The following PCDHA10 variants were observed in gnomAD, a reference collection of about 807,000 sequenced individuals.
PCDHA10 encodes protocadherin alpha 10, also known as protocadherin alpha-10.
PCDHA10 carries 45 observed loss-of-function variants against 61.2 expected under a neutral mutation model. That is an observed-to-expected ratio of 0.74 (90% CI 0.58 to 0.94). PCDHA10 has a LOEUF of 0.94. Among genes scored for constraint, PCDHA10 ranks in the 40% least tolerant of loss-of-function variants. PCDHA10 has a pLI of 0.00. For synonymous variants in PCDHA10, 602 were observed against 548.8 expected (o/e 1.10, Z -1.35); for missense variants, 1,278 against 1,236.2 (o/e 1.03, Z -0.51).
chr5:140,875,918 A>T, intron 1 of PCDHA10: 1 of 1,613,782 alleles, frequency 6.2e-7, no homozygotes, highest in Non-Finnish European at 8.5e-7. Flanking sequence ...GCGCCTCTGG[A>T]CTCTCATTTT....
At chr5:140,973,665 T>G (rs1309458037) in intron 1 of PCDHA10, among the ~76,000 whole-genome samples, 1 of 152,248 alleles carries the variant, frequency 6.6e-6, no homozygotes, top group African/African-American at 2.4e-5. Context: ...CTATTTATTG[T>G]AGCTTGAATG....
rs2044078032 is a variant in PCDHA10, at chr5:140,856,542, CA to C, written c.495del (p.Leu166CysfsTer17). 1 of 1,598,136 alleles carries C rather than the reference CA, an allele frequency of 6.3e-7. No individual in the cohort carries two copies. Among genetic ancestry groups the C allele is most frequent in the Admixed American group, 1.7e-5 (1 of 59,218 alleles). Reference sequence around the variant, plus strand: ...TCTGATGCGGATGTTGGAGAGAACGCATTGCTTACTTACAAACTCAGTCCAA... The same window carrying C: ...TCTGATGCGGATGTTGGAGAGAACGCTTGCTTACTTACAAACTCAGTCCAA... ...GASDADVGEN[A>X]LLTYKLSPNE... On this transcript the variant is annotated frameshift_variant, in exon 1 of 4. Coordinates refer to ENST00000307360, the MANE Select transcript of PCDHA10 (RefSeq NM_018901.4). LOFTEE classifies it high-confidence loss of function.
chr5:140,863,538 T>C (rs187152479), intron 1 of PCDHA10: 1 of 386,422 alleles, frequency 2.6e-6, no homozygotes, highest in Non-Finnish European at 5.0e-6. Flanking sequence ...ATTTTGGAGA[T>C]GGACTTCAAT....
At chr5:140,949,826 T>G (rs954476311) in intron 1 of PCDHA10, among the ~76,000 whole-genome samples, 2 of 151,922 alleles carry the variant, frequency 1.3e-5, no homozygotes, top group Non-Finnish European at 2.9e-5. Flanking sequence ...ATTTGTCCCC[T>G]CTGATTTTGT....
At chr5:140,937,906 C>T (rs1235683629) in intron 1 of PCDHA10, among the ~76,000 whole-genome samples, 6 of 130,108 alleles carry the variant, frequency 4.6e-5, no homozygotes, top group African/African-American at 6.4e-5. Context: ...AGTGAGACTC[C>T]GTCTCAAAAA....
chr5:140,937,868 C>T (rs1433466146), intron 1 of PCDHA10, among the ~76,000 whole-genome samples: 2 of 150,648 alleles, frequency 1.3e-5, no homozygotes, highest in Admixed American at 6.6e-5. Context: ...GCCGAGATCG[C>T]GCCACTGCAC....
chr5:140,888,288 C>G (rs1328691042), intron 1 of PCDHA10, among the ~76,000 whole-genome samples: 1 of 152,108 alleles, frequency 6.6e-6, no homozygotes, highest in African/African-American at 2.4e-5. Context: ...CCCTCTACCC[C>G]CTACCCAGGA....
chr5:140,918,517 G>A (rs2078735105), intron 1 of PCDHA10, among the ~76,000 whole-genome samples: 1 of 152,134 alleles, frequency 6.6e-6, no homozygotes, highest in South Asian at 2.1e-4. Flanking sequence ...TAAACTTATT[G>A]AGGATTGTTT....
intron 1 of PCDHA10, chr5:140,882,600 A>G: frequency 6.2e-7 from 1 of 1,614,252 alleles, no homozygotes; most frequent in East Asian, 2.2e-5. Context: ...GTGATCGTGG[A>G]CAGGCCTCTG....
chr5:140,915,222 C>T (rs2153533644), intron 1 of PCDHA10, among the ~76,000 whole-genome samples: 1 of 152,292 alleles, frequency 6.6e-6, no homozygotes, highest in South Asian at 2.1e-4. Context: ...GCTGGGATTA[C>T]AGGCATGAGC....
chr5:140,857,029 A>G lies in PCDHA10; in HGVS notation c.981A>G (p.Pro327=). The change falls in exon 1 of 4, where the codon CCA becomes CCG. Residue 327 remains proline, a synonymous_variant. Coordinates refer to ENST00000307360, the MANE Select transcript of PCDHA10 (RefSeq NM_018901.4). ...IHVDVTDKGN[P]PMVGHCTVLV... is the part of the protein sequence containing the mutation. ...TAGATGTTACAGATAAGGGAAACCC[A>G]CCTATGGTTGGTCACTGCACGGTCC... 1.3e-6 allele frequency: 2 copies of G among 1,596,504 alleles called. No individual in the cohort carries two copies. The highest frequency in any genetic ancestry group is 1.7e-6 in the Non-Finnish European group (2 of 1,166,196).
At chr5:140,928,475 G>A (rs369473809) in intron 1 of PCDHA10, 1 of 1,614,136 alleles carries the variant, frequency 6.2e-7, no homozygotes, top group African/African-American at 1.3e-5. Context: ...GTAGAAGGCC[G>A]GGATGGTGGC....
rs782141223 is a variant in PCDHA10, at chr5:140,929,191, AAC to A, written c.2389-49756_2389-49755del. On this transcript the variant is annotated intron_variant, in intron 1 of 3. Transcript: ENST00000307360. ...CTCTCTGGGACTTGGTTCTGATAAT[AAC>A]AGTTTGCTGTTGCGTGGGGAGTACA... is the stretch of plus-strand genomic sequence containing the variant. 3.1e-6 allele frequency: 5 copies of A among 1,614,000 alleles called. No homozygotes were observed. In the African/African-American group the frequency reaches 6.7e-5, roughly 22 times the overall value.
At position 140,928,998 on chromosome 5, in the gene PCDHA10, C is replaced by G. The variant is rs1448389331; in HGVS notation, c.2389-49951C>G. On this transcript the variant is annotated intron_variant, in intron 1 of 3. Coordinates refer to ENST00000307360, the MANE Select transcript of PCDHA10 (RefSeq NM_018901.4). The stretch of plus-strand genomic sequence containing the variant: ...TATTTCTGGGGTGCTTACTTTTCTT[C>G]GTGTGTACCAAGTTGCACCAGAGCC... The G allele has an allele frequency of 8.1e-6, 13 of 1,613,784 alleles. No individual in the cohort carries two copies. The Admixed American group carries it at 2.2e-4, about 27-fold the overall frequency.
At chr5:140,931,444 A>T (rs2087532526) in intron 1 of PCDHA10, among the ~76,000 whole-genome samples, 1 of 135,860 alleles carries the variant, frequency 7.4e-6, no homozygotes, top group Non-Finnish European at 1.6e-5. Context: ...TTAGCTATTT[A>T]AAAGGAAAAA....
At chr5:140,975,363 G>T (rs1348174294) in intron 1 of PCDHA10, among the ~76,000 whole-genome samples, 3 of 152,220 alleles carry the variant, frequency 2.0e-5, no homozygotes, top group Non-Finnish European at 2.9e-5. Context: ...GTGCTACATA[G>T]CATAATGTAA....
intron 1 of PCDHA10, chr5:140,884,656 G>C (rs782439139): frequency 1.9e-6 from 3 of 1,602,178 alleles, no homozygotes; most frequent in Admixed American, 1.7e-5. Context: ...CAGAATGCTT[G>C]AAAGAGGTAA....
At chr5:140,997,884 C>G (rs2097789340) in intron 3 of PCDHA10, among the ~76,000 whole-genome samples, 1 of 152,076 alleles carries the variant, frequency 6.6e-6, no homozygotes, top group African/African-American at 2.4e-5. Context: ...AGTATTTATA[C>G]AGGATAAATT....
chr5:140,902,381 A>G (rs2153476778), intron 1 of PCDHA10, among the ~76,000 whole-genome samples: 1 of 152,036 alleles, frequency 6.6e-6, no homozygotes, highest in South Asian at 2.1e-4. Flanking sequence ...TGCTCTAGCT[A>G]AGAGTACTAT....
Sources: gnomAD v4.1 joint callset for allele counts (sites outside exome capture counted in the v4.1 genomes callset) on GRCh38, gnomAD v4.1.1 for gene constraint, MANE v1.5 for transcripts, NCBI Gene and HGNC (gene_info 2026-07-23, HGNC 2026-07-21) for gene names.